Variants in ANK2 observed in about 807,000 individuals in gnomAD.
The protein encoded by ANK2 is ankyrin-2.
A neutral mutation model predicts 360.5 loss-of-function variants in ANK2; 83 were observed. The ratio of observed to expected loss-of-function variants is 0.23; its 90% confidence interval spans 0.19 to 0.28. The LOEUF (loss-of-function observed/expected upper bound fraction) is 0.28. Among genes scored for constraint, ANK2 ranks in the 10% least tolerant of loss-of-function variants. The probability of loss-of-function intolerance (pLI) is 1.00; values close to 1 mark genes in which losing one functional copy is unlikely to be tolerated. For synonymous variants in ANK2, 1,740 were observed against 1,759.5 expected (o/e 0.99, Z 0.28); for missense variants, 4,201 against 4,795.7 (o/e 0.88, Z 3.66).
At chr4:112,824,497 C>A (rs1040658410) in intron 1 of ANK2, among the ~76,000 whole-genome samples, 1 of 140,432 alleles carries the variant, frequency 7.1e-6, no homozygotes, top group Non-Finnish European at 1.5e-5. Context: ...CCATTGCACC[C>A]CACCTTTAGC....
intron 1 of ANK2, among the ~76,000 whole-genome samples, chr4:112,855,785 G>C (rs1028461439): frequency 6.6e-6 from 1 of 152,162 alleles, no homozygotes; most frequent in Non-Finnish European, 1.5e-5. Flanking sequence ...CAGAGTCCAT[G>C]TCTGGATATG....
chr4:112,957,275 A>G (rs1030778021), intron 2 of ANK2, among the ~76,000 whole-genome samples: 11 of 152,006 alleles, frequency 7.2e-5, no homozygotes, highest in African/African-American at 2.7e-4. Flanking sequence ...CACCACCCTT[A>G]ATCCATTTAA....
chr4:113,229,839 T>C (rs1395245186), intron 4 of ANK2, among the ~76,000 whole-genome samples: 2 of 152,236 alleles, frequency 1.3e-5, no homozygotes, highest in Admixed American at 6.5e-5. Flanking sequence ...TCTGGCGACC[T>C]CTGCCTGATT....
At chr4:112,985,343 A>G (rs1032154320) in intron 2 of ANK2, among the ~76,000 whole-genome samples, 2 of 152,220 alleles carry the variant, frequency 1.3e-5, no homozygotes, top group Admixed American at 1.3e-4. Flanking sequence ...CCAACACATT[A>G]CAAATGCTAA....
At chr4:113,067,362 G>A (rs1246337592) in intron 1 of ANK2, among the ~76,000 whole-genome samples, 2 of 152,154 alleles carry the variant, frequency 1.3e-5, no homozygotes, top group Admixed American at 6.6e-5. Context: ...CCCTTGGTGT[G>A]TAGTGCTGGT....
intron 1 of ANK2, among the ~76,000 whole-genome samples, chr4:113,075,073 C>T (rs1276531117): frequency 2.6e-5 from 4 of 152,156 alleles, no homozygotes; most frequent in African/African-American, 7.2e-5. Flanking sequence ...TGTTGGCCCC[C>T]ACCCCAAACC....
the ANK2 span, among the ~76,000 whole-genome samples, chr4:112,781,257 G>A: frequency 6.6e-6 from 1 of 151,932 alleles, no homozygotes; most frequent in Non-Finnish European, 1.5e-5. Flanking sequence ...CTGCCACCAC[G>A]CCTAGCTAAT....
At chr4:113,276,877 T>C (rs1428805372) in intron 15 of ANK2, among the ~76,000 whole-genome samples, 5 of 152,160 alleles carry the variant, frequency 3.3e-5, no homozygotes, top group Non-Finnish European at 5.9e-5. Flanking sequence ...AACCCAGGCA[T>C]ATTTGCTATG....
At chr4:112,803,358 G>T in the ANK2 span, among the ~76,000 whole-genome samples, 1 of 152,128 alleles carries the variant, frequency 6.6e-6, no homozygotes, top group Non-Finnish European at 1.5e-5. Flanking sequence ...CTTTATAAGC[G>T]ATAGGCAAGT....
intron 4 of ANK2, among the ~76,000 whole-genome samples, chr4:113,212,627 T>C (rs2099037200): frequency 6.6e-6 from 1 of 152,214 alleles, no homozygotes; most frequent in Admixed American, 6.5e-5. Flanking sequence ...TTTCTACTCA[T>C]GTAACTCATG....
chr4:112,896,954 C>G (rs887174155), intron 1 of ANK2, among the ~76,000 whole-genome samples: 5 of 152,120 alleles, frequency 3.3e-5, no homozygotes, highest in Non-Finnish European at 7.3e-5. Context: ...TAAAGTGAAG[C>G]CTCTGTATGA....
At chr4:113,053,854 C>T (rs961318165) in intron 1 of ANK2, among the ~76,000 whole-genome samples, 6 of 152,292 alleles carry the variant, frequency 3.9e-5, no homozygotes, top group Admixed American at 1.3e-4. Flanking sequence ...CTCATCCTCT[C>T]AAAATGCTGG....
chr4:113,273,976 G>A (rs1183030476), intron 14 of ANK2, among the ~76,000 whole-genome samples: 2 of 152,132 alleles, frequency 1.3e-5, no homozygotes, highest in East Asian at 1.9e-4. Context: ...AAAATGACCA[G>A]CATTTGTATC....
At chr4:113,248,275 G>C (rs1586038295) in intron 9 of ANK2, among the ~76,000 whole-genome samples, 1 of 152,098 alleles carries the variant, frequency 6.6e-6, no homozygotes, top group East Asian at 1.9e-4. Context: ...AAAGAGACAA[G>C]GGACAAGGGA....
intron 1 of ANK2, chr4:113,107,017 T>C (rs1032239660): frequency 9.6e-5 from 45 of 469,832 alleles, no homozygotes; most frequent in Non-Finnish European, 1.7e-5. Context: ...TTGTTCTTTG[T>C]TGTGTTTTTC....
chr4:113,209,955 T>A (rs576992072), intron 4 of ANK2, among the ~76,000 whole-genome samples: 4 of 152,338 alleles, frequency 2.6e-5, no homozygotes, highest in African/African-American at 9.6e-5. Context: ...CCGTTCCCCC[T>A]TACCAGGGGC....
chr4:112,860,100 A>T (rs1216806323), intron 1 of ANK2, among the ~76,000 whole-genome samples: 6 of 152,234 alleles, frequency 3.9e-5, no homozygotes, highest in Non-Finnish European at 4.4e-5. Flanking sequence ...TGAGAATAAA[A>T]CATTTATTTG....
rs2153405270 is a variant in ANK2 at position 113,199,056 on chromosome 4, G to A, written c.331G>A (p.Glu111Lys). The change falls in exon 4 of 46, where the codon GAA (glutamate) becomes AAA (lysine). Residue 111 changes from glutamate to lysine, a missense_variant. Physicochemically the swap from Glu to Lys is moderately conservative, Grantham distance 56. Transcript: ENST00000357077. ...LHIASLAGQA[E>K]VVKVLVKEGA... Reference sequence around the variant, plus strand: ...CATTGCATCTTTGGCTGGACAAGCAGAAGTTGTCAAAGTTCTTGTTAAGGA... The same window carrying A: ...CATTGCATCTTTGGCTGGACAAGCAAAAGTTGTCAAAGTTCTTGTTAAGGA... The A allele has an allele frequency of 6.2e-7, 1 of 1,613,582 alleles. No homozygotes were observed. The highest frequency in any genetic ancestry group is 8.5e-7 in the Non-Finnish European group (1 of 1,179,674).
Position 113,363,373 on chromosome 4 carries a change from A to G in ANK2, c.10792A>G (p.Ile3598Val). The change falls in exon 40 of 46, where the codon ATT (isoleucine) becomes GTT (valine). Residue 3598 changes from isoleucine to valine, a missense_variant. Coordinates refer to ENST00000357077, the MANE Select transcript of ANK2 (RefSeq NM_001148.6). ...AGAACTGGATTTCACTGAGGAGCAA[A>G]TTCATCAAATTCGAATTGAAAATCC... ...ARELDFTEEQIHQIRIENPNS... is the reference protein window; with the variant it reads ...ARELDFTEEQVHQIRIENPNS... The G allele has an allele frequency of 1.2e-6, 2 of 1,613,462 alleles. No homozygotes were observed. The highest frequency in any genetic ancestry group is 1.7e-6 in the Non-Finnish European group (2 of 1,179,656).
Sources: gnomAD v4.1 joint callset for allele counts (sites outside exome capture counted in the v4.1 genomes callset) on GRCh38, gnomAD v4.1.1 for gene constraint, MANE v1.5 for transcripts, NCBI Gene and HGNC (gene_info 2026-07-23, HGNC 2026-07-21) for gene names.